The following CDK14 variants were observed in gnomAD, a reference collection of about 807,000 sequenced individuals.
CDK14 encodes cyclin-dependent kinase 14.
A neutral mutation model predicts 60.7 loss-of-function variants in CDK14; 34 were observed. The ratio of observed to expected loss-of-function variants is 0.56; its 90% CI spans 0.43 to 0.75. The LOEUF (loss-of-function observed/expected upper bound fraction) is 0.75. Ranked by LOEUF, CDK14 falls within the 30% of genes least tolerant of loss-of-function variation. The pLI is 0.00. For synonymous variants in CDK14, 197 were observed against 203.7 expected (o/e 0.97, Z 0.28); for missense variants, 482 against 564.1 (o/e 0.85, Z 1.47).
intron 14 of CDK14, among the ~76,000 whole-genome samples, chr7:91,172,539 C>T (rs1327262575): frequency 1.3e-5 from 2 of 152,198 alleles, no homozygotes; most frequent in Non-Finnish European, 1.5e-5. Context: ...TAAGCAGTCA[C>T]TTCCTGATTA....
chr7:90,712,425 T>G (rs2116651393), intron 2 of CDK14, among the ~76,000 whole-genome samples: 1 of 152,138 alleles, frequency 6.6e-6, no homozygotes, highest in East Asian at 1.9e-4. Flanking sequence ...CTCTGCCGTG[T>G]TTTAGCATGT....
intron 11 of CDK14, among the ~76,000 whole-genome samples, chr7:91,071,705 G>A (rs932529977): frequency 1.3e-5 from 2 of 152,240 alleles, no homozygotes; most frequent in Non-Finnish European, 2.9e-5. Context: ...AGCCCTCTGT[G>A]CTCCTTCAGG....
chr7:91,094,967 G>T (rs1584050072), intron 12 of CDK14, among the ~76,000 whole-genome samples: 1 of 152,226 alleles, frequency 6.6e-6, no homozygotes, highest in Non-Finnish European at 1.5e-5. Flanking sequence ...AAACAATATG[G>T]AAACATCTGT....
chr7:90,715,477 C>T (rs939474722), intron 2 of CDK14, among the ~76,000 whole-genome samples: 4 of 151,990 alleles, frequency 2.6e-5, no homozygotes, highest in African/African-American at 7.2e-5. Flanking sequence ...GAGTAGTTAA[C>T]AGTCAGTCCC....
chr7:91,011,968 C>T (rs1020318846), intron 10 of CDK14, among the ~76,000 whole-genome samples: 24 of 152,038 alleles, frequency 1.6e-4, no homozygotes, highest in Non-Finnish European at 2.9e-4. Flanking sequence ...TTTCTTTCTA[C>T]TTTGTATGCC....
intron 10 of CDK14, among the ~76,000 whole-genome samples, chr7:91,025,691 A>G (rs567513204): frequency 6.6e-6 from 1 of 152,324 alleles, no homozygotes; most frequent in African/African-American, 2.4e-5. Flanking sequence ...TACATTATTG[A>G]GGATGATCTT....
At chr7:90,737,720 C>T in intron 3 of CDK14, among the ~76,000 whole-genome samples, 1 of 152,160 alleles carries the variant, frequency 6.6e-6, no homozygotes, top group Non-Finnish European at 1.5e-5. Context: ...AAAATTAGCC[C>T]AGTCAGGTTT....
chr7:90,915,587 A>G (rs1793055049), intron 7 of CDK14, among the ~76,000 whole-genome samples: 1 of 152,234 alleles, frequency 6.6e-6, no homozygotes, highest in South Asian at 2.1e-4. Flanking sequence ...TTAGATGCCC[A>G]GATATTTATT....
intron 8 of CDK14, among the ~76,000 whole-genome samples, chr7:90,952,093 G>T (rs553199337): frequency 6.6e-6 from 1 of 152,114 alleles, no homozygotes; most frequent in African/African-American, 2.4e-5. Flanking sequence ...GTCATTCCTG[G>T]TTAACTATCC....
intron 6 of CDK14, among the ~76,000 whole-genome samples, chr7:90,872,653 T>C (rs1481277739): frequency 1.3e-5 from 2 of 151,438 alleles, no homozygotes; most frequent in Non-Finnish European, 2.9e-5. Context: ...TACTGAGATA[T>C]CAATTTTTTT....
At chr7:90,880,530 G>A (rs1436025408) in intron 6 of CDK14, among the ~76,000 whole-genome samples, 4 of 152,188 alleles carry the variant, frequency 2.6e-5, no homozygotes, top group African/African-American at 9.6e-5. Context: ...AATCCAGGCA[G>A]CCCAGATGAG....
intron 1 of CDK14, among the ~76,000 whole-genome samples, chr7:90,598,704 A>ATTTTTT (rs796093975): frequency 0.016 from 1,401 of 87,688 alleles, 200 homozygotes; most frequent in African/African-American, 0.047. Context: ...TTATCTAAGG[A>ATTTTTT]TTTTTTTTTT....
Position 91,156,885 on chromosome 7 carries a change from T to G in CDK14, c.*28+38677T>G, listed in dbSNP as rs567267946. ...ATGCAAATAGCACTTAAGGAAATGT[T>G]GGGGGTTTGAAATGCCATTTTTGGA... On this transcript the variant is annotated intron_variant, in intron 14 of 14. Coordinates refer to ENST00000380050, the MANE Select transcript of CDK14 (RefSeq NM_001287135.2). Among the ~76,000 whole-genome samples the G allele has an allele frequency of 3.9e-5, 6 of 152,298 alleles. No homozygotes were observed. In the East Asian group the frequency reaches 1.2e-3, roughly 29 times the overall value.
chr7:91,070,404 G>A (rs933646867), intron 11 of CDK14, among the ~76,000 whole-genome samples: 13 of 152,156 alleles, frequency 8.5e-5, no homozygotes, highest in African/African-American at 3.1e-4. Context: ...TATATTCTCA[G>A]CATGAGAAGA....
At chr7:90,997,694 T>C (rs1473055998) in intron 10 of CDK14, among the ~76,000 whole-genome samples, 3 of 152,206 alleles carry the variant, frequency 2.0e-5, no homozygotes, top group African/African-American at 7.2e-5. Context: ...AAAACCTTTT[T>C]GGGAGAATAA....
At chr7:91,071,187 GTCTTTT>G (rs1252927191) in intron 11 of CDK14, among the ~76,000 whole-genome samples, 1 of 152,210 alleles carries the variant, frequency 6.6e-6, no homozygotes, top group African/African-American at 2.4e-5. Flanking sequence ...CAAGATCAGG[GTCTTTT>G]TCTTTAAGCA....
At chr7:90,957,403 A>C (rs1794461036) in intron 9 of CDK14, among the ~76,000 whole-genome samples, 1 of 152,230 alleles carries the variant, frequency 6.6e-6, no homozygotes, top group Admixed American at 6.5e-5. Context: ...GAAAAGAGGA[A>C]GTCAAATTGT....
chr7:90,928,402 G>T (rs1342708384), intron 8 of CDK14, among the ~76,000 whole-genome samples: 1 of 152,156 alleles, frequency 6.6e-6, no homozygotes, highest in Non-Finnish European at 1.5e-5. Flanking sequence ...TGGGGTTTTG[G>T]TGTGGATGTC....
chr7:90,882,586 C>T (rs1791798706), intron 6 of CDK14, among the ~76,000 whole-genome samples: 1 of 152,214 alleles, frequency 6.6e-6, no homozygotes, highest in Admixed American at 6.5e-5. Flanking sequence ...AGCTCTGGAT[C>T]AAGCAGACCT....
Sources: allele counts gnomAD v4.1 joint callset (sites outside exome capture counted in the v4.1 genomes callset), GRCh38; gene constraint gnomAD v4.1.1; transcripts MANE v1.5; gene names NCBI Gene and HGNC (gene_info 2026-07-23, HGNC 2026-07-21).